The following KIR3DL1 variants were observed in gnomAD, a reference collection of about 807,000 sequenced individuals.
KIR3DL1 encodes killer cell immunoglobulin-like receptor 3DL1.
In KIR3DL1, 50 loss-of-function variants were observed where a neutral mutation model predicts 40.3. That is an observed-to-expected ratio of 1.24 (90% CI 0.99 to 1.57). KIR3DL1 has a LOEUF of 1.57. Among genes scored for constraint, KIR3DL1 ranks in the 40% most tolerant of loss-of-function variants. The pLI, the probability that KIR3DL1 is intolerant of heterozygous loss-of-function variation, is 0.00. For synonymous variants in KIR3DL1, 257 were observed against 207.2 expected, an observed-to-expected ratio of 1.24 and a Z score of -2.07; for missense variants, 661 against 559.9, an observed-to-expected ratio of 1.18 and a Z score of -1.82.
intron 4 of KIR3DL1, among the ~76,000 whole-genome samples, 193 bp downstream of exon 4, chr19:54,820,205 A>G (rs2061567404): frequency 6.6e-6 from 1 of 151,410 alleles, no homozygotes; most frequent in South Asian, 2.1e-4. Context: ...ATAACAGAGG[A>G]CAGACACAGG....
In KIR3DL1 at chr19:54,830,596, A is replaced by C. The variant is rs376051190; in HGVS notation, c.*321A>C. 51 of 374,422 alleles carry C rather than the reference A, an allele frequency of 1.4e-4. 2 individuals carry two copies. The East Asian group carries it at 2.0e-3, about 15-fold the overall frequency. 23.2% of individuals were successfully genotyped at this position (374,422 alleles called of 1,614,324 possible). On this transcript the variant is annotated 3_prime_UTR_variant, in exon 9 of 9. Coordinates refer to ENST00000391728, the Ensembl canonical transcript of KIR3DL1. Reference sequence around the variant, plus strand: ...CTGCAATCACACTGAGGAACTCACAATTCCAAACATACAAGAGGCTCCCTC... The same window carrying C: ...CTGCAATCACACTGAGGAACTCACACTTCCAAACATACAAGAGGCTCCCTC...
intron 2 of KIR3DL1, among the ~76,000 whole-genome samples, 171 bp from the exon 3 acceptor site, chr19:54,818,144 C>A (rs1461941260): frequency 1.4e-5 from 2 of 140,482 alleles, no homozygotes; most frequent in African/African-American, 5.7e-5. Context: ...TCAGCTGACA[C>A]TTGTTGTAGG....
At chr19:54,821,123 T>A (rs2061610344) in intron 4 of KIR3DL1, among the ~76,000 whole-genome samples, 1 of 149,912 alleles carries the variant, frequency 6.7e-6, no homozygotes, top group South Asian at 2.2e-4. Flanking sequence ...AGATAATAGA[T>A]GATTGATGGA....
intron 6 of KIR3DL1, among the ~76,000 whole-genome samples, chr19:54,825,718 TG>T (rs1198656466): frequency 3.4e-5 from 5 of 148,590 alleles, no homozygotes; most frequent in Admixed American, 3.3e-4. Flanking sequence ...TGCATCTTAC[TG>T]GGCTAAAATC....
At chr19:54,818,875 G>T (rs1368922185) in intron 3 of KIR3DL1, among the ~76,000 whole-genome samples, 16 of 150,804 alleles carry the variant, frequency 1.1e-4, no homozygotes, top group Admixed American at 4.0e-4. Flanking sequence ...ACCTTGAGAT[G>T]GGGAGACAGC....
At chr19:54,818,349 C>T (rs770929612) in exon 3 of KIR3DL1, 4 of 1,604,874 alleles carry the variant, frequency 2.5e-6, no homozygotes, top group Non-Finnish European at 3.4e-6. Flanking sequence ...CTGCCTGGCC[C>T]AGCGCTGTGG....
chr19:54,819,879 G>A (rs761793981), exon 4 of KIR3DL1: 1 of 1,612,146 alleles, frequency 6.2e-7, no homozygotes, highest in Non-Finnish European at 8.5e-7. Flanking sequence ...TCCATGATGG[G>A]GTCTCCAAGG....
At chr19:54,817,303 G>A (rs1425240240) in intron 1 of KIR3DL1, among the ~76,000 whole-genome samples, 1 of 143,112 alleles carries the variant, frequency 7.0e-6, no homozygotes, top group Non-Finnish European at 1.5e-5. Context: ...CGGACCTGGA[G>A]TGGAGATCTG....
chr19:54,826,298 T>A (rs2061885358), intron 6 of KIR3DL1, among the ~76,000 whole-genome samples: 1 of 150,404 alleles, frequency 6.6e-6, no homozygotes, highest in Middle Eastern at 3.4e-3. Context: ...CATCTGTGCA[T>A]GAAATCTATT....
In KIR3DL1 at chr19:54,816,645, G is replaced by A. The variant is rs1368535400; in HGVS notation, c.34+111G>A. 5 of 1,458,774 alleles carry A rather than the reference G, an allele frequency of 3.4e-6. No homozygotes were observed. In the East Asian group the frequency reaches 9.7e-5, roughly 28 times the overall value. 90.4% of individuals were successfully genotyped at this position (1,458,774 alleles called of 1,614,324 possible). ...TATGGGCCTAGAGGTGGAGTTATGG[G>A]CCTGAAGTGGAGATCTGGGCCTGGA... On this transcript the variant is annotated intron_variant, in intron 1 of 8. Coordinates refer to ENST00000391728, the Ensembl canonical transcript of KIR3DL1.
At chr19:54,826,521 T>C (rs375897767) in intron 6 of KIR3DL1, among the ~76,000 whole-genome samples, 1,774 of 144,902 alleles carry the variant, frequency 0.012, 63 homozygotes, top group African/African-American at 0.043. Context: ...TGTTTCACCA[T>C]GTTGGCCAAG....
At chr19:54,826,435 C>T (rs1601407930) in intron 6 of KIR3DL1, among the ~76,000 whole-genome samples, 1 of 146,808 alleles carries the variant, frequency 6.8e-6, no homozygotes, top group Non-Finnish European at 1.5e-5. Context: ...CTGCCTCACC[C>T]TCTCGAGTAG....
In KIR3DL1 at chr19:54,829,476, C is replaced by T. The variant is rs373649611; in HGVS notation, c.1105+11C>T. On this transcript the variant is annotated intron_variant, in intron 7 of 8. Coordinates refer to ENST00000391728, the Ensembl canonical transcript of KIR3DL1. ...GCTCCAACAAAAAAAGTAAGTCTCA[C>T]GGGGCACAGGCCAGAGAGCTCAGGG... The T allele has an allele frequency of 6.5e-5, 94 of 1,456,386 alleles. 10 individuals carry two copies. The highest frequency in any genetic ancestry group is 8.2e-5 in the Non-Finnish European group (88 of 1,072,284). The allele number at this position is 1,456,386 out of a possible 1,614,324, so 90.2% of individuals were successfully genotyped here. A position where few individuals can be genotyped will look rare whatever the true frequency, so the allele number is the denominator to read the frequency against.
chr19:54,816,564 A>C, intron 1 of KIR3DL1, 30 bp downstream of exon 1: 1 of 1,606,842 alleles, frequency 6.2e-7, no homozygotes, highest in Non-Finnish European at 8.5e-7. Context: ...CGAGGGAGGG[A>C]GTGCGGGGAT....
chr19:54,818,675 G>A (rs1409250457), intron 3 of KIR3DL1, 76 bp downstream of exon 3: 2 of 1,542,690 alleles, frequency 1.3e-6, no homozygotes, highest in African/African-American at 2.8e-5. Context: ...GTGTCCGTCA[G>A]GGTCCCATCA....
intron 5 of KIR3DL1, among the ~76,000 whole-genome samples, chr19:54,822,363 G>A (rs586962): frequency 0.19 from 28,421 of 149,464 alleles, 3,172 homozygotes; most frequent in South Asian, 0.32. Context: ...GGTGGTTCAC[G>A]GTTGTAATCT....
intron 5 of KIR3DL1, among the ~76,000 whole-genome samples, chr19:54,822,733 T>G (rs1386769698): frequency 7.1e-6 from 1 of 140,668 alleles, no homozygotes; most frequent in Non-Finnish European, 1.6e-5. Flanking sequence ...AGATCCACCT[T>G]TTATCTCCTG....
exon 5 of KIR3DL1, chr19:54,821,771 G>C: frequency 6.2e-7 from 1 of 1,607,602 alleles, no homozygotes. Flanking sequence ...TGCCACCCAC[G>C]GAGGGACCTA....
At chr19:54,826,148 A>G (rs2061876915) in intron 6 of KIR3DL1, among the ~76,000 whole-genome samples, 1 of 150,600 alleles carries the variant, frequency 6.6e-6, no homozygotes, top group South Asian at 2.1e-4. Context: ...GGGGTGGGAC[A>G]GCATTCTCCT....
Sources: gnomAD v4.1 joint callset for allele counts (sites outside exome capture counted in the v4.1 genomes callset) on GRCh38, gnomAD v4.1.1 for gene constraint, MANE v1.5 for transcripts, NCBI Gene and HGNC (gene_info 2026-07-23, HGNC 2026-07-21) for gene names.